The following MTREX variants were observed in gnomAD, a reference collection of about 807,000 sequenced individuals.
MTREX encodes Mtr4 exosome RNA helicase, also known as exosome RNA helicase MTR4.
MTREX carries 76 observed loss-of-function variants against 135.4 expected under a neutral mutation model. The observed-to-expected ratio is 0.56, with a 90% CI of 0.47 to 0.68. The LOEUF (loss-of-function observed/expected upper bound fraction) is 0.68, where lower values mean the gene tolerates loss of function less well. MTREX is among the 30% of genes least tolerant of loss of function. The pLI is 0.00. For missense variants in MTREX, 920 were observed against 1,262.1 expected (o/e 0.73, Z 4.11); for synonymous variants, 404 against 401.6 (o/e 1.01, Z -0.07).
chr5:55,419,768 G>A (rs1191725734), intron 25 of MTREX, among the ~76,000 whole-genome samples: 1 of 152,136 alleles, frequency 6.6e-6, no homozygotes, highest in Non-Finnish European at 1.5e-5. Context: ...CTGTACCTCT[G>A]CCTGCCATAT....
intron 19 of MTREX, among the ~76,000 whole-genome samples, chr5:55,388,831 C>A (rs576620558): frequency 2.0e-5 from 3 of 152,122 alleles, no homozygotes; most frequent in Admixed American, 6.5e-5. Flanking sequence ...ATTTAATTTA[C>A]ATGTGCTTCT....
At chr5:55,382,824 G>A (rs143988081) in intron 18 of MTREX, among the ~76,000 whole-genome samples, 124 of 152,254 alleles carry the variant, frequency 8.1e-4, no homozygotes, top group African/African-American at 2.8e-3. Flanking sequence ...AGTAGAGACA[G>A]TGTTTCACCA....
chr5:55,349,501 T>C, intron 11 of MTREX, 72 bp from the exon 12 acceptor site: 1 of 839,486 alleles, frequency 1.2e-6, no homozygotes, highest in Admixed American at 1.9e-5. Flanking sequence ...TAGATTCTTA[T>C]TCTTTGTAAT....
chr5:55,327,861 T>A, intron 4 of MTREX, 83 bp downstream of exon 4: 1 of 1,055,130 alleles, frequency 9.5e-7, no homozygotes, highest in Non-Finnish European at 1.4e-6. Flanking sequence ...GAGATTTTTA[T>A]ATTTCCCACA....
chr5:55,332,650 G>C (rs1019397459), intron 5 of MTREX, among the ~76,000 whole-genome samples: 3 of 152,198 alleles, frequency 2.0e-5, no homozygotes, highest in African/African-American at 7.2e-5. Context: ...GGCCTAACTT[G>C]TCCTTTTAAC....
rs572610213 is a variant in MTREX at position 55,423,137 on chromosome 5, T to C, written c.3076+155T>C. The C allele has an allele frequency of 2.2e-3, 1,374 of 616,482 alleles. 43 individuals carry two copies. The South Asian group carries it at 0.028, about 12-fold the overall frequency. 38.2% of individuals were successfully genotyped at this position (616,482 alleles called of 1,614,324 possible). On this transcript the variant is annotated intron_variant, in intron 26 of 26. Coordinates refer to ENST00000230640, the MANE Select transcript of MTREX (RefSeq NM_015360.5). ...TAGTGTTTCTATAAAATTTAGTGTG[T>C]TGGGGGAAAAGTTGAGATTTTATAT...
At chr5:55,406,348 T>C (rs1365285060) in intron 22 of MTREX, among the ~76,000 whole-genome samples, 5 of 152,168 alleles carry the variant, frequency 3.3e-5, no homozygotes, top group African/African-American at 7.2e-5. Context: ...TTAGGACCTC[T>C]CTCTCTCTGT....
intron 1 of MTREX, among the ~76,000 whole-genome samples, chr5:55,308,648 G>A (rs1297310411): frequency 6.6e-6 from 1 of 152,104 alleles, no homozygotes; most frequent in East Asian, 1.9e-4. Context: ...GATTCAATGA[G>A]ATACACGTGT....
At chr5:55,405,074 G>A (rs1404591975) in intron 21 of MTREX, among the ~76,000 whole-genome samples, 1 of 152,054 alleles carries the variant, frequency 6.6e-6, no homozygotes, top group Non-Finnish European at 1.5e-5. Flanking sequence ...TGGGATTACA[G>A]GTGTGAGCCA....
chr5:55,405,088 CG>C (rs1303443697), intron 21 of MTREX, among the ~76,000 whole-genome samples: 2 of 152,036 alleles, frequency 1.3e-5, no homozygotes, highest in Non-Finnish European at 2.9e-5. Flanking sequence ...TGAGCCATTG[CG>C]CCCGGCCTCT....
chr5:55,354,122 A>G (rs1339212999), intron 14 of MTREX, among the ~76,000 whole-genome samples: 1 of 152,196 alleles, frequency 6.6e-6, no homozygotes, highest in African/African-American at 2.4e-5. Context: ...TGAATTTAGA[A>G]CTCTGTAGGT....
chr5:55,387,966 T>C lies in MTREX; in HGVS notation c.2053-8T>C. The C allele has an allele frequency of 6.4e-7, 1 of 1,573,828 alleles. No individual in the cohort carries two copies. Among genetic ancestry groups the C allele is most frequent in the Admixed American group, 1.7e-5 (1 of 57,584 alleles). On this transcript the variant is annotated splice_polypyrimidine_tract_variant and splice_region_variant and intron_variant, in intron 18 of 26. Transcript: ENST00000230640. ...GAATGAATGAACATCTTCTGTTTTGTTTTTTAGCCTAACTCTGGTGAACTG... is the reference window on the plus strand; with the variant it reads ...GAATGAATGAACATCTTCTGTTTTGCTTTTTAGCCTAACTCTGGTGAACTG...
intron 11 of MTREX, among the ~76,000 whole-genome samples, chr5:55,348,244 G>A (rs943730676): frequency 2.6e-5 from 4 of 152,182 alleles, no homozygotes; most frequent in African/African-American, 9.7e-5. Context: ...GAGAGGGTGG[G>A]AGAAGGGGGC....
intron 14 of MTREX, among the ~76,000 whole-genome samples, chr5:55,354,222 A>G (rs1229633703): frequency 6.6e-6 from 1 of 152,170 alleles, no homozygotes; most frequent in Non-Finnish European, 1.5e-5. Flanking sequence ...TGCTGTAAAC[A>G]CTCTTGAGAA....
intron 9 of MTREX, 147 bp downstream of exon 9, chr5:55,344,767 T>G (rs900416137): frequency 1.7e-6 from 1 of 574,788 alleles, no homozygotes; most frequent in East Asian, 3.1e-5. Flanking sequence ...CTTGATTTTT[T>G]TGTGTGTTTT....
chr5:55,312,850 G>A (rs979817894), intron 1 of MTREX, among the ~76,000 whole-genome samples: 3 of 152,148 alleles, frequency 2.0e-5, no homozygotes, highest in Admixed American at 6.5e-5. Context: ...GATAGCTTAT[G>A]TGTTTTTTGG....
intron 15 of MTREX, among the ~76,000 whole-genome samples, chr5:55,362,108 A>AT (rs1457559646): frequency 4.8e-5 from 3 of 62,098 alleles, no homozygotes; most frequent in Non-Finnish European, 3.2e-5. Context: ...TTTTTTTTGT[A>AT]TTTTTTGTAG....
chr5:55,349,082 T>A (rs1030422937), intron 11 of MTREX, among the ~76,000 whole-genome samples: 3 of 150,650 alleles, frequency 2.0e-5, no homozygotes, highest in Admixed American at 2.0e-4. Flanking sequence ...CTACTAGATA[T>A]GTTTTGAAAG....
rs1749748835 is a variant in MTREX at position 55,346,902 on chromosome 5, G to A, written c.1109-111G>A. ...GAATGCTTTGTCTAACCCACGGTCA[G>A]GAAGATTTATTCCTATATTTTCTCT... is the stretch of plus-strand genomic sequence containing the variant. On this transcript the variant is annotated intron_variant, in intron 10 of 26. Coordinates refer to ENST00000230640, the MANE Select transcript of MTREX (RefSeq NM_015360.5). 3 of 856,078 alleles carry A rather than the reference G, an allele frequency of 3.5e-6. No homozygotes were observed. The Admixed American group carries it at 1.1e-4, about 33-fold the overall frequency. 53.0% of individuals were successfully genotyped at this position (856,078 alleles called of 1,614,324 possible).
Sources: gnomAD v4.1 joint callset for allele counts (sites outside exome capture counted in the v4.1 genomes callset) on GRCh38, gnomAD v4.1.1 for gene constraint, MANE v1.5 for transcripts, NCBI Gene and HGNC (gene_info 2026-07-23, HGNC 2026-07-21) for gene names.